Variants in DMRTC2 observed in about 807,000 individuals in gnomAD.
The protein encoded by DMRTC2 is doublesex- and mab-3-related transcription factor C2.
Under a neutral mutation model 39.9 loss-of-function variants are expected in DMRTC2, and 13 were observed. The observed-to-expected ratio is 0.33, with a 90% CI of 0.21 to 0.52. The LOEUF is 0.52. Among genes scored for constraint, DMRTC2 ranks in the 20% least tolerant of loss-of-function variants. The pLI is 0.96. For missense variants in DMRTC2, 431 were observed against 472.8 expected (o/e 0.91, Z 0.82); for synonymous variants, 189 against 185.2 (o/e 1.02, Z -0.17).
intron 3 of DMRTC2, 84 bp from the exon 4 acceptor site, chr19:41,848,368 G>T: frequency 1.7e-6 from 2 of 1,178,898 alleles, no homozygotes; most frequent in Non-Finnish European, 2.4e-6. Flanking sequence ...TGAGCTAGAT[G>T]GGGGAGATGA....
intron 7 of DMRTC2, 28 bp downstream of exon 7, chr19:41,850,400 C>A: frequency 6.4e-7 from 1 of 1,561,236 alleles, no homozygotes; most frequent in South Asian, 1.2e-5. Context: ...GGATCTAGGG[C>A]CCTGGGAGGA....
chr19:41,850,114 C>T (rs1347965171), intron 6 of DMRTC2, 198 bp from the exon 7 acceptor site: 1 of 467,466 alleles, frequency 2.1e-6, no homozygotes, highest in African/African-American at 2.0e-5. Context: ...TTCCCATAAT[C>T]CTCACAGTAG....
intron 6 of DMRTC2, among the ~76,000 whole-genome samples, chr19:41,849,659 G>A (rs981372843): frequency 2.4e-4 from 36 of 152,332 alleles, no homozygotes; most frequent in Middle Eastern, 6.8e-3. Context: ...GAGGCCATTA[G>A]GAAAAGCTTC....
At chr19:41,845,647 T>C (rs1471037504) in intron 1 of DMRTC2, among the ~76,000 whole-genome samples, 2 of 152,026 alleles carry the variant, frequency 1.3e-5, no homozygotes, top group African/African-American at 4.8e-5. Context: ...GCCAACATGG[T>C]GAAACCCCAT....
chr19:41,845,977 G>A (rs947895853), intron 1 of DMRTC2, among the ~76,000 whole-genome samples: 5 of 151,426 alleles, frequency 3.3e-5, no homozygotes, highest in Middle Eastern at 3.2e-3. Context: ...ACGCCACTGC[G>A]CTCCAGCCTG....
Position 41,848,800 on chromosome 19 carries a change from C to T in DMRTC2, c.453C>T (p.Ser151=). The change falls in exon 5 of 9, where the codon TCC becomes TCT. Residue 151 remains serine (S), a synonymous_variant. Coordinates refer to ENST00000269945, the MANE Select transcript of DMRTC2 (RefSeq NM_001040283.3). The part of the protein sequence containing the change: ...LLAPTPPGKN[S]CGPLLLSHPP... ...TGTGCCCTCTGCCCCTGCAGAACTC[C>T]TGTGGGCCTCTGCTGCTCAGCCATC... 6.2e-7 allele frequency: 1 copy of T among 1,608,264 alleles called. No individual in the cohort carries two copies. Among genetic ancestry groups the T allele is most frequent in the Non-Finnish European group, 8.5e-7 (1 of 1,180,002 alleles).
chr19:41,850,334 C>T lies in DMRTC2; in HGVS notation c.778C>T (p.Pro260Ser). Residue 260 changes from proline (P) to serine (S), a missense_variant, in exon 7 of 9, where the codon CCC (proline) becomes TCC (serine). By Grantham distance (74) the Pro-to-Ser change is moderately conservative. Transcript: ENST00000269945. The part of the protein sequence containing the change: ...PRTHSTLILQ[P>S]CGTPDPLQLQ... ...TAGACACTCAACTCTGATACTCCAG[C>T]CCTGTGGCACCCCAGACCCTCTTCA... 1 of 1,510,686 alleles carries T rather than the reference C, an allele frequency of 6.6e-7. No homozygotes were observed. The highest frequency in any genetic ancestry group is 8.8e-7 in the Non-Finnish European group (1 of 1,130,776). The allele number at this position is 1,510,686 out of a possible 1,614,324, so 93.6% of individuals were successfully genotyped here.
rs1052961962 is a variant in DMRTC2, at chr19:41,851,512, C to T, written c.992-72C>T. On this transcript the variant is annotated intron_variant, in intron 8 of 8. Transcript: ENST00000269945. ...ACAATGATGAGGCCTGGATTGGATT[C>T]GGTAAAAAGAGGGGGTTGCTAGAAG... 1.4e-4 allele frequency: 174 copies of T among 1,274,814 alleles called. 3 individuals carry two copies. The South Asian group carries it at 1.7e-3, about 13-fold the overall frequency. 79.0% of individuals were successfully genotyped at this position (1,274,814 alleles called of 1,614,324 possible). A position where few individuals can be genotyped will look rare whatever the true frequency, so the allele number is the denominator to read the frequency against.
chr19:41,848,959 T>C lies in DMRTC2; in HGVS notation c.612T>C (p.Ser204=). The C allele has an allele frequency of 6.2e-7, 1 of 1,614,134 alleles. No homozygotes were observed. Among genetic ancestry groups the C allele is most frequent in the South Asian group, 1.1e-5 (1 of 91,092 alleles). Residue 204 remains serine, a synonymous_variant, in exon 5 of 9, where the codon TCT becomes TCC. Coordinates refer to ENST00000269945, the MANE Select transcript of DMRTC2 (RefSeq NM_001040283.3). ...CRLLYQEPAV[S]LPPFPGFDPG... is the part of the protein sequence containing the mutation. The stretch of plus-strand genomic sequence containing the variant: ...TGCTGTACCAAGAACCTGCTGTCTC[T>C]CTGCCTCCCTTCCCTGGTAAGATGA...
intron 1 of DMRTC2, among the ~76,000 whole-genome samples, chr19:41,845,837 A>AAAAG (rs782734758): frequency 3.9e-5 from 6 of 151,986 alleles, no homozygotes; most frequent in African/African-American, 1.2e-4. Context: ...AAAACAAAAA[A>AAAAG]AAAGAAAGAA....
chr19:41,850,607 G>A lies in DMRTC2; in HGVS notation c.898G>A (p.Gly300Arg). ...GCAAGAGGCAGCTGAAGCCCTCGTG[G>A]GGCTGAAAGATTCATCCCAGGCTCC... is the stretch of plus-strand genomic sequence containing the variant. ...LQQEAAEALV[G>R]LKDSSQAPRV... is the part of the protein sequence containing the mutation. The change falls in exon 8 of 9, where the codon GGG (glycine) becomes AGG (arginine). Residue 300 changes from glycine to arginine, a missense_variant. Gly to Arg is a moderately radical substitution (Grantham distance 125). Transcript: ENST00000269945. 1 of 1,613,680 alleles carries A rather than the reference G, an allele frequency of 6.2e-7. No individual in the cohort carries two copies. Among genetic ancestry groups the A allele is most frequent in the South Asian group, 1.1e-5 (1 of 91,022 alleles).
chr19:41,848,402 A>G, intron 3 of DMRTC2, 50 bp from the exon 4 acceptor site: 1 of 1,503,466 alleles, frequency 6.7e-7, no homozygotes, highest in Non-Finnish European at 9.0e-7. Context: ...TTGGGGTAGG[A>G]TAGGGGTCAG....
intron 6 of DMRTC2, among the ~76,000 whole-genome samples, chr19:41,849,899 C>T (rs1015569170): frequency 2.6e-5 from 4 of 152,086 alleles, no homozygotes; most frequent in Non-Finnish European, 4.4e-5. Context: ...AGTAACTGAG[C>T]GAGACTTCGT....
In DMRTC2 at chr19:41,851,675, G is replaced by A. The variant is rs185994620; in HGVS notation, c.1083G>A (p.Gly361=). 3.7e-4 allele frequency: 604 copies of A among 1,614,114 alleles called. No individual in the cohort carries two copies. Among genetic ancestry groups the A allele is most frequent in the South Asian group, 1.8e-3 (161 of 91,076 alleles). ...TTGCTCTGCATATTGGCCGTCTGGG[G>A]TCCATCTCCCTCCTGAGCTAGAAAC... ...PSVALHIGRL[G]SISLLS is the part of the protein sequence containing the mutation. Residue 361 remains glycine, a synonymous_variant, in exon 9 of 9, where the codon GGG becomes GGA. Coordinates refer to ENST00000269945, the MANE Select transcript of DMRTC2 (RefSeq NM_001040283.3).
chr19:41,849,431 T>C, intron 6 of DMRTC2, among the ~76,000 whole-genome samples, 175 bp downstream of exon 6: 1 of 152,250 alleles, frequency 6.6e-6, no homozygotes, highest in East Asian at 1.9e-4. Context: ...ACAATTATCT[T>C]TACCTCTCTG....
chr19:41,851,298 CAGGCTTAG>C, intron 8 of DMRTC2: 1 of 352,722 alleles, frequency 2.8e-6, no homozygotes, highest in Non-Finnish European at 5.2e-6. Context: ...TCTGGCATGC[CAGGCTTAG>C]GTGTCTAGAA....
chr19:41,851,806 AGCTTCGG>A lies in DMRTC2; in HGVS notation c.*115_*121del. ...TATGCATGGAATTTAATGTAGTACA[AGCTTCGG>A]GCTTTTTTGTTTGTTTGTTTGTTTG... On this transcript the variant is annotated 3_prime_UTR_variant, in exon 9 of 9. Transcript: ENST00000269945. 1.0e-6 allele frequency: 1 copy of A among 960,500 alleles called. No individual in the cohort carries two copies. Among genetic ancestry groups the A allele is most frequent in the South Asian group, 1.6e-5 (1 of 64,012 alleles). The allele number at this position is 960,500 out of a possible 1,614,324, so 59.5% of individuals were successfully genotyped here.
At chr19:41,846,168 T>C (rs2073837739) in intron 1 of DMRTC2, among the ~76,000 whole-genome samples, 1 of 152,004 alleles carries the variant, frequency 6.6e-6, no homozygotes, top group Admixed American at 6.6e-5. Context: ...AGACTAAGAA[T>C]TGAAATTGAA....
chr19:41,847,806 C>A lies in DMRTC2; in HGVS notation c.295C>A (p.Leu99Met), dbSNP rs782408451. Reference sequence around the variant, plus strand: ...GCAGGAGGCGCAGCTAAAGAAGCACCTGATGAGGAGAGGGGAAGCCTCTCC... The same window carrying A: ...GCAGGAGGCGCAGCTAAAGAAGCACATGATGAGGAGAGGGGAAGCCTCTCC... ...RQQEAQLKKH[L>M]MRRGEASPKA... is the part of the protein sequence containing the mutation. Residue 99 changes from leucine (L) to methionine (M), a missense_variant, in exon 3 of 9, where the codon CTG (leucine) becomes ATG (methionine). Coordinates refer to ENST00000269945, the MANE Select transcript of DMRTC2 (RefSeq NM_001040283.3). 1 of 1,608,144 alleles carries A rather than the reference C, an allele frequency of 6.2e-7. No individual in the cohort carries two copies. Among genetic ancestry groups the A allele is most frequent in the African/African-American group, 1.3e-5 (1 of 74,860 alleles).
Sources: allele counts gnomAD v4.1 joint callset (sites outside exome capture counted in the v4.1 genomes callset), GRCh38; gene constraint gnomAD v4.1.1; transcripts MANE v1.5; gene names NCBI Gene and HGNC (gene_info 2026-07-23, HGNC 2026-07-21).